The following CPNE4 variants were observed in gnomAD, a reference collection of about 807,000 sequenced individuals.
The protein encoded by CPNE4 is copine-4.
A neutral mutation model predicts 67.9 loss-of-function variants in CPNE4; 25 were observed. The ratio of observed to expected loss-of-function variants is 0.37; its 90% CI spans 0.27 to 0.51. CPNE4 has a LOEUF of 0.51. Among genes scored for constraint, CPNE4 ranks in the 20% least tolerant of loss-of-function variants. The probability of loss-of-function intolerance (pLI) is 0.93; values close to 1 mark genes in which losing one functional copy is unlikely to be tolerated. For synonymous variants in CPNE4, 242 were observed against 244.9 expected (o/e 0.99, Z 0.11); for missense variants, 464 against 690.8 (o/e 0.67, Z 3.68).
intron 14 of CPNE4, among the ~76,000 whole-genome samples, chr3:131,546,495 T>G (rs1935845863): frequency 6.6e-6 from 1 of 152,120 alleles, no homozygotes; most frequent in Admixed American, 6.5e-5. Flanking sequence ...CCCTTAGAGA[T>G]AACAAGGGAC....
At chr3:131,635,353 A>C (rs2079350593) in intron 7 of CPNE4, among the ~76,000 whole-genome samples, 1 of 152,186 alleles carries the variant, frequency 6.6e-6, no homozygotes, top group Non-Finnish European at 1.5e-5. Flanking sequence ...TTCTAGGTTT[A>C]TCAATTTCTA....
chr3:131,671,133 T>G (rs1365954803), intron 6 of CPNE4, among the ~76,000 whole-genome samples: 3 of 152,218 alleles, frequency 2.0e-5, no homozygotes, highest in Admixed American at 6.5e-5. Context: ...AACATAATTC[T>G]TTTATAAGTG....
At position 131,993,590 on chromosome 3, in the gene CPNE4, C is replaced by T. The variant is rs949750638; in HGVS notation, c.-2+40977G>A. 1.5e-5 allele frequency among the ~76,000 whole-genome samples: 2 copies of T among 133,156 alleles called. 1 individual carries two copies. Among genetic ancestry groups the T allele is most frequent in the Non-Finnish European group, 3.4e-5 (2 of 59,122 alleles). 87.4% of individuals were successfully genotyped at this position (133,156 alleles called of 152,430 possible). On this transcript the variant is annotated intron_variant, in intron 1 of 15. Coordinates refer to ENST00000429747, the MANE Select transcript of CPNE4 (RefSeq NM_130808.3). ...CCAACATCCTAAAGTGCAGCAGAAG[C>T]AGAATCAAAGCCCTTGGTAGAAGAT... is the stretch of plus-strand genomic sequence containing the variant.
At chr3:131,654,300 T>C (rs976748990) in intron 7 of CPNE4, among the ~76,000 whole-genome samples, 2 of 152,178 alleles carry the variant, frequency 1.3e-5, no homozygotes, top group African/African-American at 4.8e-5. Flanking sequence ...TGTTGTTATA[T>C]AGGCAAACTT....
At chr3:131,795,955 G>T (rs573159051) in intron 2 of CPNE4, among the ~76,000 whole-genome samples, 1 of 152,266 alleles carries the variant, frequency 6.6e-6, no homozygotes, top group Non-Finnish European at 1.5e-5. Context: ...CACCATGCAG[G>T]TTGCAACGCT....
chr3:132,021,053 T>A (rs957640519), intron 1 of CPNE4, among the ~76,000 whole-genome samples: 5 of 152,212 alleles, frequency 3.3e-5, no homozygotes, highest in African/African-American at 1.2e-4. Flanking sequence ...TTCCAGCTGA[T>A]GCTAAATAAA....
intron 7 of CPNE4, among the ~76,000 whole-genome samples, chr3:131,621,418 C>CT (rs547544413): frequency 1.7e-4 from 26 of 151,706 alleles, no homozygotes; most frequent in African/African-American, 3.4e-4. Context: ...CTAATTAAAA[C>CT]TTTTTTTTGT....
intron 14 of CPNE4, among the ~76,000 whole-genome samples, chr3:131,548,481 G>A (rs139784505): frequency 0.013 from 2,044 of 152,120 alleles, 21 homozygotes; most frequent in Middle Eastern, 0.027. Context: ...GACATGGTGC[G>A]GGTGGGTGGG....
At chr3:131,554,801 A>G (rs1228942074) in intron 12 of CPNE4, among the ~76,000 whole-genome samples, 1 of 151,938 alleles carries the variant, frequency 6.6e-6, no homozygotes, top group African/African-American at 2.4e-5. Flanking sequence ...AGGCTGGGAG[A>G]GGTACCCTGC....
chr3:131,617,931 T>A (rs1269778572), intron 7 of CPNE4, among the ~76,000 whole-genome samples: 1 of 152,194 alleles, frequency 6.6e-6, no homozygotes, highest in Admixed American at 6.5e-5. Context: ...TTCATTAATT[T>A]CTTCATTCAT....
intron 2 of CPNE4, among the ~76,000 whole-genome samples, chr3:131,810,956 A>T (rs1256037668): frequency 6.6e-6 from 1 of 152,104 alleles, no homozygotes; most frequent in Non-Finnish European, 1.5e-5. Context: ...GTATGATCTC[A>T]CTTATATATG....
At chr3:131,963,956 G>A (rs2072263406) in intron 1 of CPNE4, among the ~76,000 whole-genome samples, 1 of 152,130 alleles carries the variant, frequency 6.6e-6, no homozygotes, top group Non-Finnish European at 1.5e-5. Context: ...GGGGTTGACA[G>A]GCACCTCATA....
intron 3 of CPNE4, among the ~76,000 whole-genome samples, chr3:131,708,995 T>TATATACAC (rs1366246304): frequency 9.2e-6 from 1 of 109,116 alleles, no homozygotes; most frequent in African/African-American, 4.0e-5. Flanking sequence ...TATATATATA[T>TATATACAC]ACATACACAC....
intron 10 of CPNE4, among the ~76,000 whole-genome samples, chr3:131,573,849 T>A (rs138088149): frequency 1.3e-5 from 2 of 152,112 alleles, no homozygotes; most frequent in South Asian, 2.1e-4. Context: ...CATTAGAGAA[T>A]CTTAGACTTT....
intron 7 of CPNE4, among the ~76,000 whole-genome samples, chr3:131,600,694 T>C (rs1022392116): frequency 3.3e-5 from 5 of 152,128 alleles, no homozygotes; most frequent in Admixed American, 1.3e-4. Context: ...CTCTGTGCTG[T>C]CTTGGGGTTA....
intron 1 of CPNE4, among the ~76,000 whole-genome samples, chr3:131,943,471 T>C (rs546388107): frequency 6.6e-6 from 1 of 152,322 alleles, no homozygotes; most frequent in Non-Finnish European, 1.5e-5. Flanking sequence ...TAAATGTTAC[T>C]ACAGCAACAG....
chr3:131,905,887 G>C lies in CPNE4; in HGVS notation c.-1-443C>G, dbSNP rs542158100. Among the ~76,000 whole-genome samples, 9 of 152,276 alleles carry C rather than the reference G, an allele frequency of 5.9e-5. No individual in the cohort carries two copies. In the South Asian group the frequency reaches 1.4e-3, roughly 25 times the overall value. The stretch of plus-strand genomic sequence containing the variant: ...AACTCCTATGTGATGGCATGGAGAA[G>C]TATATTGTTCTTTCTGAAGAAACAG... On this transcript the variant is annotated intron_variant, in intron 1 of 15. Coordinates refer to ENST00000429747, the MANE Select transcript of CPNE4 (RefSeq NM_130808.3).
intron 7 of CPNE4, among the ~76,000 whole-genome samples, chr3:131,646,474 ACCT>A (rs1238390065): frequency 2.0e-5 from 3 of 152,082 alleles, no homozygotes; most frequent in Non-Finnish European, 4.4e-5. Flanking sequence ...TCCTCTGGAA[ACCT>A]CCTCAAAAAA....
In CPNE4 at chr3:131,557,626, T is replaced by C. The variant is rs545212228; in HGVS notation, c.1062-2075A>G. 1.5e-4 allele frequency among the ~76,000 whole-genome samples: 23 copies of C among 152,202 alleles called. No individual in the cohort carries two copies. The South Asian group carries it at 4.8e-3, about 31-fold the overall frequency. The stretch of plus-strand genomic sequence containing the variant: ...CACTGTTGGGTCAATCCAGGCTTTG[T>C]GGTGCATTGCATCTAGCAGGTATTA... On this transcript the variant is annotated intron_variant, in intron 11 of 15. Coordinates refer to ENST00000429747, the MANE Select transcript of CPNE4 (RefSeq NM_130808.3).
Sources: gnomAD v4.1 joint callset for allele counts (sites outside exome capture counted in the v4.1 genomes callset) on GRCh38, gnomAD v4.1.1 for gene constraint, MANE v1.5 for transcripts, NCBI Gene and HGNC (gene_info 2026-07-23, HGNC 2026-07-21) for gene names.